CACTIN: variants seen among roughly 807,000 people sequenced by gnomAD.
CACTIN encodes the protein splicing factor Cactin.
CACTIN carries 20 observed loss-of-function variants against 84.9 expected under a neutral mutation model. The observed-to-expected ratio is 0.24, with a 90% CI of 0.17 to 0.34. The LOEUF (loss-of-function observed/expected upper bound fraction) is 0.34, where lower values mean the gene tolerates loss of function less well. Among genes scored for constraint, CACTIN ranks in the 10% least tolerant of loss-of-function variants. CACTIN has a pLI of 1.00. For missense variants in CACTIN, 897 were observed against 1,117.2 expected (o/e 0.80, Z 2.81); for synonymous variants, 549 against 467.9 (o/e 1.17, Z -2.24).
Position 3,618,836 on chromosome 19 carries a change from C to T in CACTIN, c.1162+39G>A, listed in dbSNP as rs759564054. On this transcript the variant is annotated intron_variant, in intron 6 of 9. Coordinates refer to ENST00000429344, the MANE Select transcript of CACTIN (RefSeq NM_001080543.2). ...GCTTCTGGGTGAACACTGTAGCCCC[C>T]GCAGCTCCCCTGGAGCCCAGGCCCA... 1.4e-5 allele frequency: 21 copies of T among 1,467,364 alleles called. No homozygotes were observed. In the African/African-American group the frequency reaches 2.4e-4, roughly 17 times the overall value. 90.9% of individuals were successfully genotyped at this position (1,467,364 alleles called of 1,614,324 possible).
chr19:3,618,548 C>A (rs2033155298), intron 6 of CACTIN, among the ~76,000 whole-genome samples: 1 of 152,260 alleles, frequency 6.6e-6, no homozygotes, highest in Non-Finnish European at 1.5e-5. Flanking sequence ...GACTTGCTGT[C>A]AAACAGGCAG....
At position 3,613,538 on chromosome 19, in the gene CACTIN, C is replaced by T; in HGVS notation, c.1404G>A (p.Leu468=). 1 of 1,600,600 alleles carries T rather than the reference C, an allele frequency of 6.2e-7. No homozygotes were observed. The highest frequency in any genetic ancestry group is 8.5e-7 in the Non-Finnish European group (1 of 1,177,512). ...CGCTCTCCACGCCCTGCTCCTGCTTCAGTTTGTACAGCTTCTGCCGCAGCA... is the reference window on the plus strand; with the variant it reads ...CGCTCTCCACGCCCTGCTCCTGCTTTAGTTTGTACAGCTTCTGCCGCAGCA... ...QDVLRQKLYK[L]KQEQGVESEP... The change falls in exon 8 of 10, where the codon CTG becomes CTA. Residue 468 remains leucine (L), a synonymous_variant. Transcript: ENST00000429344.
intron 2 of CACTIN, 184 bp from the exon 3 acceptor site, chr19:3,620,986 C>A (rs1386507977): frequency 1.4e-6 from 1 of 696,664 alleles, no homozygotes; most frequent in Non-Finnish European, 2.6e-6. Context: ...TCAGTGCAGA[C>A]ATGGAGCCCC....
rs192490905 is a variant in CACTIN, at chr19:3,624,885, T to C, written c.168-723A>G. On this transcript the variant is annotated intron_variant, in intron 1 of 9. Coordinates refer to ENST00000429344, the MANE Select transcript of CACTIN (RefSeq NM_001080543.2). ...AAGGTCTACTAGACACAGAGTCTACTAGAGACAAGGTCTATATTTTTATTT... is the reference window on the plus strand; with the variant it reads ...AAGGTCTACTAGACACAGAGTCTACCAGAGACAAGGTCTATATTTTTATTT... 2.8e-3 allele frequency among the ~76,000 whole-genome samples: 428 copies of C among 152,208 alleles called. 5 individuals carry two copies. The highest frequency in any genetic ancestry group is 9.8e-3 in the African/African-American group (407 of 41,530).
chr19:3,620,005 A>C, intron 4 of CACTIN, 122 bp downstream of exon 4: 2 of 1,157,904 alleles, frequency 1.7e-6, no homozygotes, highest in Non-Finnish European at 1.2e-6. Flanking sequence ...CAGGAAGGGA[A>C]GGTCCCAGGA....
intron 7 of CACTIN, 97 bp downstream of exon 7, chr19:3,614,300 A>C: frequency 1.6e-6 from 2 of 1,221,274 alleles, no homozygotes; most frequent in Non-Finnish European, 2.3e-6. Flanking sequence ...ACATGGTCCC[A>C]GGAGGAGGCG....
chr19:3,625,696 C>T (rs1172909974), intron 1 of CACTIN, among the ~76,000 whole-genome samples: 1 of 152,238 alleles, frequency 6.6e-6, no homozygotes, highest in African/African-American at 2.4e-5. Flanking sequence ...CACTGCACCC[C>T]AGCCTGGGCG....
Position 3,624,560 on chromosome 19 carries a change from C to T in CACTIN, c.168-398G>A, listed in dbSNP as rs1599896794. Among the ~76,000 whole-genome samples, 3 of 152,086 alleles carry T rather than the reference C, an allele frequency of 2.0e-5. No individual in the cohort carries two copies. In the South Asian group the frequency reaches 6.2e-4, roughly 32 times the overall value. On this transcript the variant is annotated intron_variant, in intron 1 of 9. Transcript: ENST00000429344. ...CAGAGCAAGAGCGAGGGCCTAGAGG[C>T]AGGCACTGACCTGCCACATTCTAAG...
intron 3 of CACTIN, 29 bp downstream of exon 3, chr19:3,620,678 C>T: frequency 6.3e-7 from 1 of 1,579,350 alleles, no homozygotes; most frequent in Non-Finnish European, 8.6e-7. Flanking sequence ...AAGGGAGGGC[C>T]CTGCCCAGTG....
intron 9 of CACTIN, chr19:3,612,676 G>C: frequency 7.0e-6 from 5 of 711,176 alleles, no homozygotes; most frequent in Non-Finnish European, 1.0e-5. Context: ...CGAGCGACAG[G>C]AGAACCTGGT....
In CACTIN at chr19:3,620,285, G is replaced by A; in HGVS notation, c.739-13C>T. 1 of 1,555,036 alleles carries A rather than the reference G, an allele frequency of 6.4e-7. No homozygotes were observed. Among genetic ancestry groups the A allele is most frequent in the East Asian group, 2.4e-5 (1 of 42,210 alleles). ...GCAGCTGCTTCACCTGCAGGCACAG[G>A]AGGCTGAGGGCAGCGGGGACCGTGC... On this transcript the variant is annotated splice_polypyrimidine_tract_variant and intron_variant, in intron 3 of 9. Transcript: ENST00000429344.
chr19:3,620,944 CCTT>C (rs762838581), intron 2 of CACTIN, 142 bp from the exon 3 acceptor site: 70 of 713,318 alleles, frequency 9.8e-5, no homozygotes, highest in African/African-American at 6.8e-4. Context: ...TCCACCCCCT[CCTT>C]AACACTCCTG....
chr19:3,612,653 C>CT, intron 9 of CACTIN: 1 of 716,192 alleles, frequency 1.4e-6, no homozygotes, highest in Non-Finnish European at 2.5e-6. Flanking sequence ...CCAAGCGCAG[C>CT]GCGCTTCCCC....
At chr19:3,621,758 A>G (rs2033229124) in intron 2 of CACTIN, among the ~76,000 whole-genome samples, 1 of 152,136 alleles carries the variant, frequency 6.6e-6, no homozygotes, top group Non-Finnish European at 1.5e-5. Context: ...GGGTCTCTCA[A>G]GAGGGGATGT....
At chr19:3,622,175 G>A (rs573920437) in intron 2 of CACTIN, among the ~76,000 whole-genome samples, 2 of 152,162 alleles carry the variant, frequency 1.3e-5, no homozygotes, top group African/African-American at 2.4e-5. Context: ...AGACCAGCCT[G>A]ACCAACATGG....
rs1329790133 is a variant in CACTIN, at chr19:3,623,768, C to T, written c.562G>A (p.Gly188Ser). 6.2e-6 allele frequency: 10 copies of T among 1,613,818 alleles called. No individual in the cohort carries two copies. The highest frequency in any genetic ancestry group is 2.5e-6 in the Non-Finnish European group (3 of 1,179,882). ...TTGGTGTAGCCCATGTACTCCTCAC[C>T]CCAGCCCATCTTCTCCCGCTTCTTG... ...ERKKREKMGW[G>S]EEYMGYTNTD... is the part of the protein sequence containing the mutation. Residue 188 changes from glycine to serine, a missense_variant, in exon 2 of 10, where the codon GGT (glycine) becomes AGT (serine). Coordinates refer to ENST00000429344, the MANE Select transcript of CACTIN (RefSeq NM_001080543.2).
At position 3,613,568 on chromosome 19, in the gene CACTIN, C is replaced by T; in HGVS notation, c.1374G>A (p.Gln458=). The T allele has an allele frequency of 1.9e-6, 3 of 1,601,912 alleles. No homozygotes were observed. The highest frequency in any genetic ancestry group is 1.7e-4 in the Middle Eastern group (1 of 5,788). The change falls in exon 8 of 10, where the codon CAG becomes CAA. Residue 458 remains glutamine, a synonymous_variant. Transcript: ENST00000429344. ...TGTACAGCTTCTGCCGCAGCACGTCCTGGTGGCGCTCACGCAGCCTGGGAC... is the reference window on the plus strand; with the variant it reads ...TGTACAGCTTCTGCCGCAGCACGTCTTGGTGGCGCTCACGCAGCCTGGGAC... ...MARARLRERH[Q]DVLRQKLYKL... is the part of the protein sequence containing the mutation.
At chr19:3,617,593 C>T (rs933296808) in intron 6 of CACTIN, among the ~76,000 whole-genome samples, 15 of 149,956 alleles carry the variant, frequency 1.0e-4, no homozygotes, top group East Asian at 4.1e-4. Flanking sequence ...TAGGAGAGGC[C>T]GGGCCCAGGG....
rs201281300 is a variant in CACTIN at position 3,610,758 on chromosome 19, G to A, written c.*1165C>T. 6.6e-6 allele frequency: 3 copies of A among 456,948 alleles called. No individual in the cohort carries two copies. Among genetic ancestry groups the A allele is most frequent in the Non-Finnish European group, 1.3e-5 (3 of 227,060 alleles). The allele number at this position is 456,948 out of a possible 1,614,324, so 28.3% of individuals were successfully genotyped here. A position where few individuals can be genotyped will look rare whatever the true frequency, so the allele number is the denominator to read the frequency against. On this transcript the variant is annotated 3_prime_UTR_variant, in exon 10 of 10. Transcript: ENST00000429344. ...ACAAGTCTTTTTAGAGAAACAAACG[G>A]AACTATTTCCAGATGAGGCGGGGTG...
Sources: allele counts gnomAD v4.1 joint callset (sites outside exome capture counted in the v4.1 genomes callset), GRCh38; gene constraint gnomAD v4.1.1; transcripts MANE v1.5; gene names NCBI Gene and HGNC (gene_info 2026-07-23, HGNC 2026-07-21).